Variants in ADCK1 observed in about 807,000 individuals in gnomAD.
The protein encoded by ADCK1 is aarF domain-containing protein kinase 1.
In ADCK1, 41 loss-of-function variants were observed where a neutral mutation model predicts 52.3. The ratio of observed to expected loss-of-function variants is 0.78; its 90% CI spans 0.61 to 1.02. The LOEUF (loss-of-function observed/expected upper bound fraction) is 1.02. Among genes scored for constraint, ADCK1 ranks in the 50% least tolerant of loss-of-function variants. ADCK1 has a pLI of 0.00. For missense variants in ADCK1, 658 were observed against 679.5 expected (o/e 0.97, Z 0.35); for synonymous variants, 250 against 274.6 (o/e 0.91, Z 0.89).
At chr14:77,821,674 A>C (rs1173100525) in intron 2 of ADCK1, among the ~76,000 whole-genome samples, 2 of 152,098 alleles carry the variant, frequency 1.3e-5, no homozygotes, top group Admixed American at 1.3e-4. Flanking sequence ...TGAGGTCAGG[A>C]GTTCGAGACC....
chr14:77,841,198 T>C (rs2140089491), intron 3 of ADCK1, among the ~76,000 whole-genome samples: 1 of 152,264 alleles, frequency 6.6e-6, no homozygotes, highest in South Asian at 2.1e-4. Context: ...GATGTGGCAA[T>C]GAGCTTGGCT....
intron 3 of ADCK1, among the ~76,000 whole-genome samples, chr14:77,828,284 C>T (rs1230494173): frequency 6.6e-6 from 1 of 152,134 alleles, no homozygotes; most frequent in Non-Finnish European, 1.5e-5. Flanking sequence ...TTTCTATCCA[C>T]AAAATGATGG....
chr14:77,838,522 A>C (rs568877232), intron 3 of ADCK1, among the ~76,000 whole-genome samples: 1 of 152,168 alleles, frequency 6.6e-6, no homozygotes, highest in South Asian at 2.1e-4. Flanking sequence ...TCAGCCTCCC[A>C]GGTACCTGGG....
intron 1 of ADCK1, among the ~76,000 whole-genome samples, chr14:77,805,210 T>TA (rs558205777): frequency 0.071 from 7,241 of 101,408 alleles, 448 homozygotes; most frequent in African/African-American, 0.12. Flanking sequence ...CTGTCTCATT[T>TA]AAAAAAAAAA....
intron 4 of ADCK1, among the ~76,000 whole-genome samples, chr14:77,868,626 T>A (rs1484428733): frequency 1.3e-5 from 2 of 152,126 alleles, no homozygotes; most frequent in East Asian, 1.9e-4. Flanking sequence ...TTTGTTGGGA[T>A]CTAGTGCTCA....
At chr14:77,842,032 A>G (rs1033458919) in intron 3 of ADCK1, among the ~76,000 whole-genome samples, 4 of 152,070 alleles carry the variant, frequency 2.6e-5, no homozygotes, top group Non-Finnish European at 5.9e-5. Flanking sequence ...TCAAGGCTGC[A>G]GAGAGCTATG....
intron 7 of ADCK1, among the ~76,000 whole-genome samples, chr14:77,911,086 T>A (rs567033755): frequency 1.1e-4 from 16 of 152,314 alleles, no homozygotes; most frequent in African/African-American, 3.1e-4. Context: ...TATAAGCAAC[T>A]AATATGTGCC....
chr14:77,871,424 C>A (rs2082775168), intron 4 of ADCK1, among the ~76,000 whole-genome samples: 1 of 152,126 alleles, frequency 6.6e-6, no homozygotes. Flanking sequence ...GTGGCATGAT[C>A]TCTGCTCATG....
At position 77,859,076 on chromosome 14, in the gene ADCK1, G is replaced by A. The variant is rs777345477; in HGVS notation, c.220G>A (p.Val74Met). 4 of 1,598,780 alleles carry A rather than the reference G, an allele frequency of 2.5e-6. No homozygotes were observed. In the Admixed American group the frequency reaches 5.1e-5, roughly 20 times the overall value. Reference protein sequence around the residue: ...SEEYLQLRSKVHLRSARRLCE... With the variant: ...SEEYLQLRSKMHLRSARRLCE... ...CTGGTCCTGGCCTGTCTTCCTGCAG[G>A]TGCACCTTCGCTCTGCCAGGCGTCT... The change falls in exon 4 of 11, where the codon GTG (valine) becomes ATG (methionine). Residue 74 changes from valine to methionine, a missense_variant and splice_region_variant. Transcript: ENST00000238561.
intron 4 of ADCK1, among the ~76,000 whole-genome samples, chr14:77,863,451 C>A (rs2082594242): frequency 6.6e-6 from 1 of 151,638 alleles, no homozygotes; most frequent in Admixed American, 6.6e-5. Context: ...TTTGGTCATG[C>A]ACACACATAC....
chr14:77,915,717 A>G (rs1193840273), intron 7 of ADCK1, among the ~76,000 whole-genome samples: 1 of 152,188 alleles, frequency 6.6e-6, no homozygotes, highest in Non-Finnish European at 1.5e-5. Flanking sequence ...CAGGTGTATG[A>G]GATGAGTTCC....
chr14:77,926,631 T>C (rs2084202541), intron 9 of ADCK1, among the ~76,000 whole-genome samples: 1 of 152,192 alleles, frequency 6.6e-6, no homozygotes, highest in African/African-American at 2.4e-5. Flanking sequence ...CAGGTGCACA[T>C]CACCATGCCT....
At chr14:77,882,723 G>T (rs1465051860) in intron 4 of ADCK1, among the ~76,000 whole-genome samples, 1 of 151,932 alleles carries the variant, frequency 6.6e-6, no homozygotes, top group African/African-American at 2.4e-5. Flanking sequence ...CCTTATTTTG[G>T]TCTTGGCCAG....
At chr14:77,841,725 TC>T (rs139130197) in intron 3 of ADCK1, among the ~76,000 whole-genome samples, 10 of 146,290 alleles carry the variant, frequency 6.8e-5, no homozygotes, top group Non-Finnish European at 1.5e-4. Flanking sequence ...GTGCCTGTAA[TC>T]CCAGTTACCT....
intron 3 of ADCK1, among the ~76,000 whole-genome samples, chr14:77,841,197 A>T (rs2140089482): frequency 6.6e-6 from 1 of 152,322 alleles, no homozygotes; most frequent in South Asian, 2.1e-4. Flanking sequence ...CGATGTGGCA[A>T]TGAGCTTGGC....
At chr14:77,925,060 G>T (rs533992600) in intron 8 of ADCK1, among the ~76,000 whole-genome samples, 1 of 152,324 alleles carries the variant, frequency 6.6e-6, no homozygotes, top group African/African-American at 2.4e-5. Flanking sequence ...ATGCAGATCT[G>T]GTTCAAAGGA....
At chr14:77,849,672 G>A (rs1005930935) in intron 3 of ADCK1, among the ~76,000 whole-genome samples, 2 of 151,652 alleles carry the variant, frequency 1.3e-5, no homozygotes, top group African/African-American at 4.8e-5. Flanking sequence ...GGCTGCTCTC[G>A]AACTCCTGGC....
chr14:77,906,268 AT>A (rs2140254013), intron 6 of ADCK1, among the ~76,000 whole-genome samples: 1 of 152,328 alleles, frequency 6.6e-6, no homozygotes, highest in South Asian at 2.1e-4. Flanking sequence ...TCTCCAAAAC[AT>A]TTGAAAAAGC....
At chr14:77,860,840 G>T (rs760723332) in intron 4 of ADCK1, among the ~76,000 whole-genome samples, 2 of 152,342 alleles carry the variant, frequency 1.3e-5, no homozygotes, top group Non-Finnish European at 2.9e-5. Flanking sequence ...ACAGTGTGAA[G>T]TGCATCATTG....
Sources: gnomAD v4.1 joint callset for allele counts (sites outside exome capture counted in the v4.1 genomes callset) on GRCh38, gnomAD v4.1.1 for gene constraint, MANE v1.5 for transcripts, NCBI Gene and HGNC (gene_info 2026-07-23, HGNC 2026-07-21) for gene names.